CCDC170: variants seen among roughly 807,000 people sequenced by gnomAD.
CCDC170 encodes the protein coiled-coil domain containing 170, also known as coiled-coil domain-containing protein 170.
Under a neutral mutation model 72.6 loss-of-function variants are expected in CCDC170, and 69 were observed. The observed-to-expected ratio is 0.95, with a 90% CI of 0.78 to 1.16. The LOEUF (loss-of-function observed/expected upper bound fraction) is 1.16, where lower values mean the gene tolerates loss of function less well. CCDC170 is among the 50% of genes most tolerant of loss of function. The probability of loss-of-function intolerance (pLI) is 0.00; values close to 1 mark genes in which losing one functional copy is unlikely to be tolerated. For synonymous variants in CCDC170, 300 were observed against 303.9 expected (o/e 0.99, Z 0.13); for missense variants, 852 against 832.5 (o/e 1.02, Z -0.29).
chr6:151,593,897 G>T (rs1319576276), intron 8 of CCDC170, among the ~76,000 whole-genome samples: 1 of 152,126 alleles, frequency 6.6e-6, no homozygotes, highest in Non-Finnish European at 1.5e-5. Context: ...GCTTTACTCT[G>T]GGTAGCCATT....
chr6:151,516,512 T>C (rs1262223163), intron 1 of CCDC170, among the ~76,000 whole-genome samples: 2 of 152,182 alleles, frequency 1.3e-5, no homozygotes, highest in Non-Finnish European at 2.9e-5. Context: ...TAAATCATGT[T>C]GAAGCGGTGT....
At chr6:151,592,628 G>T (rs901688814) in intron 7 of CCDC170, among the ~76,000 whole-genome samples, 1 of 152,122 alleles carries the variant, frequency 6.6e-6, no homozygotes, top group Non-Finnish European at 1.5e-5. Context: ...CTGCCCCCAT[G>T]ATTCAATTAT....
At chr6:151,512,475 T>G (rs1782164624) in intron 1 of CCDC170, among the ~76,000 whole-genome samples, 2 of 152,086 alleles carry the variant, frequency 1.3e-5, no homozygotes, top group South Asian at 4.1e-4. Context: ...AGTATATCAT[T>G]TTAAAATAAA....
chr6:151,529,243 C>T (rs1245400825), intron 1 of CCDC170, among the ~76,000 whole-genome samples: 1 of 152,176 alleles, frequency 6.6e-6, no homozygotes, highest in Non-Finnish European at 1.5e-5. Context: ...CCAAAGCATA[C>T]AGATCTATCT....
chr6:151,546,911 A>G lies in CCDC170; in HGVS notation c.589-1393A>G, dbSNP rs139071346. ...TTTGTTGGCCTCAGCTTACCTGAAC[A>G]GTAATGGAATCTATATTTCACGACA... On this transcript the variant is annotated intron_variant, in intron 4 of 10. Coordinates refer to ENST00000239374, the MANE Select transcript of CCDC170 (RefSeq NM_025059.4). 1.4e-3 allele frequency among the ~76,000 whole-genome samples: 211 copies of G among 152,074 alleles called. 1 individual carries two copies. The highest frequency in any genetic ancestry group is 2.5e-3 in the Non-Finnish European group (171 of 67,998).
chr6:151,554,483 G>T (rs190760936), intron 5 of CCDC170, among the ~76,000 whole-genome samples: 18 of 152,266 alleles, frequency 1.2e-4, no homozygotes, highest in African/African-American at 4.3e-4. Context: ...CTAGCACTTT[G>T]GGAGGCCAAG....
intron 1 of CCDC170, among the ~76,000 whole-genome samples, chr6:151,525,032 A>G (rs1782382572): frequency 1.4e-5 from 2 of 144,026 alleles, no homozygotes; most frequent in Admixed American, 1.5e-4. Context: ...TCCCAGGTTC[A>G]CGCCATTCTC....
intron 5 of CCDC170, among the ~76,000 whole-genome samples, chr6:151,572,653 T>TTTTTTTTTTTTTTTTGTTG (rs1776237574): frequency 1.0e-5 from 1 of 100,502 alleles, no homozygotes; most frequent in African/African-American, 4.3e-5. Flanking sequence ...CTCTGTGTTT[T>TTTTTTTTTTTTTTTTGTTG]TTTTTTTTTT....
chr6:151,570,615 C>T (rs1776203521), intron 5 of CCDC170, among the ~76,000 whole-genome samples: 1 of 152,182 alleles, frequency 6.6e-6, no homozygotes, highest in Non-Finnish European at 1.5e-5. Flanking sequence ...TGAGCATCCT[C>T]AGGTTTTCAT....
At chr6:151,524,606 T>C (rs1195303897) in intron 1 of CCDC170, among the ~76,000 whole-genome samples, 1 of 152,240 alleles carries the variant, frequency 6.6e-6, no homozygotes, top group African/African-American at 2.4e-5. Context: ...ATAGTCACTT[T>C]TTCTTTAAAA....
chr6:151,609,283 A>G (rs545129272), intron 9 of CCDC170, among the ~76,000 whole-genome samples: 1 of 152,262 alleles, frequency 6.6e-6, no homozygotes, highest in South Asian at 2.1e-4. Flanking sequence ...TCGGGCCATC[A>G]AAAGAATCTC....
At chr6:151,548,257 T>C (rs755952894) in intron 4 of CCDC170, 47 bp from the exon 5 acceptor site, 3 of 1,451,416 alleles carry the variant, frequency 2.1e-6, no homozygotes, top group Admixed American at 4.5e-5. Context: ...GAGAAAATGA[T>C]GAAATTGTTA....
chr6:151,518,370 A>G (rs1225151764), intron 1 of CCDC170, among the ~76,000 whole-genome samples: 4 of 152,154 alleles, frequency 2.6e-5, no homozygotes. Context: ...CGAGACTGTC[A>G]AGTCAATCAA....
rs547106761 is a variant in CCDC170 at position 151,545,720 on chromosome 6, G to C, written c.588+1004G>C. Reference sequence around the variant, plus strand: ...TATGATCCTAGTTTACTGTGGCCTTGACTTCTTGGGCTCAAGTGATCCTCC... The same window carrying C: ...TATGATCCTAGTTTACTGTGGCCTTCACTTCTTGGGCTCAAGTGATCCTCC... On this transcript the variant is annotated intron_variant, in intron 4 of 10. Coordinates refer to ENST00000239374, the MANE Select transcript of CCDC170 (RefSeq NM_025059.4). Among the ~76,000 whole-genome samples the C allele has an allele frequency of 2.6e-5, 4 of 152,016 alleles. No individual in the cohort carries two copies. The South Asian group carries it at 6.2e-4, about 24-fold the overall frequency.
At chr6:151,566,478 A>G (rs1332301529) in intron 5 of CCDC170, among the ~76,000 whole-genome samples, 1 of 152,178 alleles carries the variant, frequency 6.6e-6, no homozygotes, top group Admixed American at 6.5e-5. Context: ...AATAAAATGA[A>G]TTAATAGAAA....
chr6:151,504,571 A>G (rs1399409687), intron 1 of CCDC170, among the ~76,000 whole-genome samples: 1 of 152,152 alleles, frequency 6.6e-6, no homozygotes, highest in African/African-American at 2.4e-5. Context: ...AGAAGGACCT[A>G]GAGGGACAGA....
chr6:151,617,880 C>T, intron 10 of CCDC170, 67 bp from the exon 11 acceptor site: 1 of 1,481,716 alleles, frequency 6.7e-7, no homozygotes, highest in East Asian at 2.3e-5. Flanking sequence ...TTGTTTGTTG[C>T]ATTTGGCTCA....
At chr6:151,505,484 C>T (rs1312895865) in intron 1 of CCDC170, among the ~76,000 whole-genome samples, 2 of 151,636 alleles carry the variant, frequency 1.3e-5, no homozygotes, top group East Asian at 2.0e-4. Flanking sequence ...GAGATCGAGA[C>T]CATCCTGGTT....
At chr6:151,548,626 T>A in intron 5 of CCDC170, 137 bp downstream of exon 5, 1 of 672,458 alleles carries the variant, frequency 1.5e-6, no homozygotes, top group Non-Finnish European at 2.2e-6. Context: ...GAGCCTGCAC[T>A]CAGCAGGAGG....
Sources: gnomAD v4.1 joint callset for allele counts (sites outside exome capture counted in the v4.1 genomes callset) on GRCh38, gnomAD v4.1.1 for gene constraint, MANE v1.5 for transcripts, NCBI Gene and HGNC (gene_info 2026-07-23, HGNC 2026-07-21) for gene names.